The following ATP8A2 variants were observed in gnomAD, a reference collection of about 807,000 sequenced individuals.
ATP8A2 encodes phospholipid-transporting ATPase IB.
In ATP8A2, 100 loss-of-function variants were observed where a neutral mutation model predicts 165.6. The ratio of observed to expected loss-of-function variants is 0.60; its 90% confidence interval spans 0.51 to 0.71. ATP8A2 has a LOEUF of 0.71. Ranked by LOEUF, ATP8A2 falls within the 30% of genes least tolerant of loss-of-function variation. The pLI, the probability that ATP8A2 is intolerant of heterozygous loss-of-function variation, is 0.00. For missense variants in ATP8A2, 1,227 were observed against 1,479.5 expected (o/e 0.83, Z 2.80); for synonymous variants, 543 against 548.8 (o/e 0.99, Z 0.15).
chr13:25,806,600 T>C (rs1011943843), intron 27 of ATP8A2, among the ~76,000 whole-genome samples: 2 of 152,090 alleles, frequency 1.3e-5, no homozygotes, highest in Non-Finnish European at 2.9e-5. Flanking sequence ...GAGCAGGCAG[T>C]TGTGATCAGA....
chr13:25,582,454 C>G (rs2039802091), intron 23 of ATP8A2, among the ~76,000 whole-genome samples: 1 of 152,182 alleles, frequency 6.6e-6, no homozygotes. Context: ...CAGGATAACT[C>G]TGCCGTTGTT....
intron 22 of ATP8A2, 45 bp downstream of exon 22, chr13:25,579,992 A>G (rs896039434): frequency 1.2e-6 from 2 of 1,604,156 alleles, no homozygotes; most frequent in Non-Finnish European, 1.7e-6. Flanking sequence ...GAAGGACTTA[A>G]CCACCTATTT....
At chr13:25,949,335 G>A (rs1328497052) in intron 33 of ATP8A2, among the ~76,000 whole-genome samples, 6 of 152,194 alleles carry the variant, frequency 3.9e-5, no homozygotes, top group African/African-American at 1.4e-4. Flanking sequence ...AGGTGAGGTG[G>A]CCGTCCACCC....
chr13:25,579,726 G>C (rs1441424045), intron 21 of ATP8A2, 82 bp from the exon 22 acceptor site: 1 of 1,528,022 alleles, frequency 6.5e-7, no homozygotes. Flanking sequence ...TTTTGGGCAT[G>C]CTGATGGAAA....
At chr13:26,007,863 C>G (rs531371047) in intron 35 of ATP8A2, among the ~76,000 whole-genome samples, 11 of 152,050 alleles carry the variant, frequency 7.2e-5, no homozygotes, top group African/African-American at 1.7e-4. Context: ...TAACAGAACC[C>G]TATGCATAAA....
In ATP8A2 at chr13:26,024,241, A is replaced by ACC. The variant is rs1372775365; in HGVS notation, c.*4260_*4261dup. 1 of 151,930 alleles carries ACC rather than the reference A, an allele frequency of 6.6e-6. No homozygotes were observed. The highest frequency in any genetic ancestry group is 2.4e-5 in the African/African-American group (1 of 41,334). 9.4% of individuals were successfully genotyped at this position (151,930 alleles called of 1,614,324 possible). A position where few individuals can be genotyped will look rare whatever the true frequency, so the allele number is the denominator to read the frequency against. ...GGGGTTTCGGAGGTGAGGGCCCAAG[A>ACC]CCCCCATAATGACATCATTAGGCAT... On this transcript the variant is annotated 3_prime_UTR_variant, in exon 37 of 37. Transcript: ENST00000381655.
chr13:25,619,836 T>C (rs2040924914), intron 24 of ATP8A2, among the ~76,000 whole-genome samples: 1 of 152,218 alleles, frequency 6.6e-6, no homozygotes, highest in Non-Finnish European at 1.5e-5. Context: ...CCTTTCCTAT[T>C]TTAATTTTGT....
intron 26 of ATP8A2, among the ~76,000 whole-genome samples, chr13:25,770,463 C>T (rs992319208): frequency 1.3e-5 from 2 of 152,144 alleles, no homozygotes; most frequent in East Asian, 3.9e-4. Context: ...ATCAGCATTC[C>T]CGGCTCACTG....
At chr13:25,739,510 T>A (rs1002222349) in intron 25 of ATP8A2, among the ~76,000 whole-genome samples, 3 of 152,194 alleles carry the variant, frequency 2.0e-5, no homozygotes, top group Admixed American at 6.5e-5. Flanking sequence ...CTCTTTTTAT[T>A]TTTTTAGCAG....
At chr13:25,882,220 A>G (rs905201666) in intron 33 of ATP8A2, among the ~76,000 whole-genome samples, 6 of 152,220 alleles carry the variant, frequency 3.9e-5, no homozygotes, top group Admixed American at 1.3e-4. Flanking sequence ...TGGTATTATC[A>G]TTATCGTATT....
At chr13:25,775,918 A>C (rs2044731461) in intron 27 of ATP8A2, among the ~76,000 whole-genome samples, 1 of 152,204 alleles carries the variant, frequency 6.6e-6, no homozygotes, top group South Asian at 2.1e-4. Context: ...AGCTGTAACT[A>C]ACTACTTCTT....
chr13:25,590,696 T>A lies in ATP8A2; in HGVS notation c.2211+997T>A, dbSNP rs117109494. On this transcript the variant is annotated intron_variant, in intron 24 of 36. Transcript: ENST00000381655. ...ACCCTTTCAGGCAGTATATTTAATATTTATATTTAGCCAATGCCAGGGGCA... is the reference window on the plus strand; with the variant it reads ...ACCCTTTCAGGCAGTATATTTAATAATTATATTTAGCCAATGCCAGGGGCA... Among the ~76,000 whole-genome samples, 535 of 152,258 alleles carry A rather than the reference T, an allele frequency of 3.5e-3. 5 individuals are homozygous for A. Among genetic ancestry groups the A allele is most frequent in the Non-Finnish European group, 4.6e-3 (314 of 68,012 alleles).
At chr13:25,692,623 G>A (rs1357316795) in intron 24 of ATP8A2, among the ~76,000 whole-genome samples, 1 of 152,164 alleles carries the variant, frequency 6.6e-6, no homozygotes, top group East Asian at 1.9e-4. Flanking sequence ...GGTTGAGCAG[G>A]GCTGCACTTC....
chr13:25,878,354 G>A (rs1481413086), intron 33 of ATP8A2, among the ~76,000 whole-genome samples: 2 of 152,086 alleles, frequency 1.3e-5, no homozygotes, highest in Non-Finnish European at 1.5e-5. Context: ...AAGAGGTCCC[G>A]ATCCAGACCC....
At chr13:25,828,296 A>G (rs1017979184) in intron 28 of ATP8A2, 104 bp downstream of exon 28, 4 of 989,400 alleles carry the variant, frequency 4.0e-6, no homozygotes, top group Non-Finnish European at 4.8e-6. Flanking sequence ...AATCATCTGT[A>G]TACTTAGCAG....
intron 33 of ATP8A2, among the ~76,000 whole-genome samples, chr13:25,942,730 T>C (rs1397168216): frequency 3.9e-5 from 6 of 152,284 alleles, no homozygotes; most frequent in South Asian, 4.1e-4. Flanking sequence ...AGCCAACTTA[T>C]CGATTTTCTT....
chr13:25,985,932 A>G (rs1244916965), intron 35 of ATP8A2, among the ~76,000 whole-genome samples: 1 of 152,218 alleles, frequency 6.6e-6, no homozygotes, highest in Non-Finnish European at 1.5e-5. Context: ...TGGATGTTGG[A>G]GAGAATATTC....
At chr13:25,613,059 G>A (rs1160663532) in intron 24 of ATP8A2, among the ~76,000 whole-genome samples, 1 of 152,046 alleles carries the variant, frequency 6.6e-6, no homozygotes, top group Non-Finnish European at 1.5e-5. Flanking sequence ...TACTTGGTTG[G>A]TGAATTCTTA....
At chr13:25,970,408 G>C (rs1955886444) in intron 35 of ATP8A2, among the ~76,000 whole-genome samples, 1 of 152,204 alleles carries the variant, frequency 6.6e-6, no homozygotes, top group Non-Finnish European at 1.5e-5. Flanking sequence ...GGTCTTGAAT[G>C]GACAGAACTG....
Sources: allele counts gnomAD v4.1 joint callset (sites outside exome capture counted in the v4.1 genomes callset), GRCh38; gene constraint gnomAD v4.1.1; transcripts MANE v1.5; gene names NCBI Gene and HGNC (gene_info 2026-07-23, HGNC 2026-07-21).